Variants in TENM2 observed in about 807,000 individuals in gnomAD.
TENM2 encodes teneurin transmembrane protein 2.
TENM2 carries 52 observed loss-of-function variants against 245.2 expected under a neutral mutation model. The observed-to-expected ratio is 0.21, with a 90% CI of 0.17 to 0.27. TENM2 has a LOEUF of 0.27. Among genes scored for constraint, TENM2 ranks in the 10% least tolerant of loss-of-function variants. TENM2 has a pLI of 1.00. For missense variants in TENM2, 3,046 were observed against 3,666.8 expected, an observed-to-expected ratio of 0.83 and a Z score of 4.37; for synonymous variants, 1,363 against 1,438.9, an observed-to-expected ratio of 0.95 and a Z score of 1.19.
At chr5:167,475,646 G>T (rs1159375648) in intron 2 of TENM2, among the ~76,000 whole-genome samples, 1 of 151,272 alleles carries the variant, frequency 6.6e-6, no homozygotes, top group Non-Finnish European at 1.5e-5. Context: ...CCTTCCCCTT[G>T]CCCCACCCTG....
chr5:167,496,267 G>T (rs1768808495), intron 2 of TENM2, among the ~76,000 whole-genome samples: 1 of 152,100 alleles, frequency 6.6e-6, no homozygotes, highest in African/African-American at 2.4e-5. Context: ...GCAGCAGGAA[G>T]AAATGCCTGG....
intron 2 of TENM2, among the ~76,000 whole-genome samples, chr5:167,691,146 A>G (rs1367879355): frequency 1.3e-5 from 2 of 152,112 alleles, no homozygotes; most frequent in African/African-American, 4.8e-5. Flanking sequence ...TGGGCAACCA[A>G]TGTCTTATAC....
intron 2 of TENM2, among the ~76,000 whole-genome samples, chr5:167,664,939 G>T (rs948752328): frequency 1.3e-5 from 2 of 152,160 alleles, no homozygotes; most frequent in Non-Finnish European, 2.9e-5. Flanking sequence ...ACAAGGAATT[G>T]ATCTTATACT....
the TENM2 span, among the ~76,000 whole-genome samples, chr5:167,171,790 A>G: frequency 6.6e-6 from 1 of 152,308 alleles, no homozygotes; most frequent in Non-Finnish European, 1.5e-5. Context: ...AACTCTTTCT[A>G]TTATCTTCCA....
chr5:167,802,606 T>C (rs2150956722), intron 2 of TENM2, among the ~76,000 whole-genome samples: 1 of 152,304 alleles, frequency 6.6e-6, no homozygotes, highest in East Asian at 1.9e-4. Context: ...CCTTTAGGCA[T>C]GTCAGAATAT....
At chr5:167,053,784 A>G in the TENM2 span, among the ~76,000 whole-genome samples, 1 of 152,136 alleles carries the variant, frequency 6.6e-6, no homozygotes, top group Admixed American at 6.6e-5. Flanking sequence ...TTTAACTTGC[A>G]CTGTTAGCCA....
chr5:167,753,097 G>T (rs1235061304), intron 2 of TENM2, among the ~76,000 whole-genome samples: 1 of 152,140 alleles, frequency 6.6e-6, no homozygotes, highest in Non-Finnish European at 1.5e-5. Context: ...CTAGGAGTTT[G>T]CATTCTTAGA....
intron 2 of TENM2, among the ~76,000 whole-genome samples, chr5:167,841,903 T>C (rs916622858): frequency 1.1e-4 from 16 of 152,120 alleles, no homozygotes; most frequent in Admixed American, 9.2e-4. Flanking sequence ...TTAATATGTT[T>C]TATATATGTA....
chr5:167,767,952 CAT>C (rs773016194), intron 2 of TENM2, among the ~76,000 whole-genome samples: 44 of 152,276 alleles, frequency 2.9e-4, no homozygotes, highest in Non-Finnish European at 5.6e-4. Flanking sequence ...TTGCTGTTGA[CAT>C]GTGAATATTT....
chr5:167,857,344 A>G (rs1175159035), intron 2 of TENM2, among the ~76,000 whole-genome samples: 1 of 152,200 alleles, frequency 6.6e-6, no homozygotes, highest in Non-Finnish European at 1.5e-5. Context: ...AATTGCTACA[A>G]CGTCCTTTAC....
At chr5:167,807,334 G>T (rs1318719923) in intron 2 of TENM2, among the ~76,000 whole-genome samples, 1 of 151,862 alleles carries the variant, frequency 6.6e-6, no homozygotes, top group African/African-American at 2.4e-5. Flanking sequence ...TAAAGCAATT[G>T]CTCTGACACA....
chr5:167,193,334 G>T, the TENM2 span, among the ~76,000 whole-genome samples: 1 of 151,992 alleles, frequency 6.6e-6, no homozygotes, highest in East Asian at 1.9e-4. Context: ...TGACTGTTAA[G>T]TGGAAGTGTG....
chr5:167,254,744 G>A, the TENM2 span, among the ~76,000 whole-genome samples: 38 of 152,230 alleles, frequency 2.5e-4, no homozygotes, highest in African/African-American at 8.7e-4. Flanking sequence ...TAGATAAGGA[G>A]ATCAGGGAAG....
At chr5:167,850,266 C>T (rs1321625918) in intron 2 of TENM2, among the ~76,000 whole-genome samples, 1 of 152,156 alleles carries the variant, frequency 6.6e-6, no homozygotes, top group Non-Finnish European at 1.5e-5. Context: ...TCACAGGGTC[C>T]AGGAATTAGA....
chr5:167,685,663 C>G (rs757403043), intron 2 of TENM2, among the ~76,000 whole-genome samples: 3 of 152,066 alleles, frequency 2.0e-5, no homozygotes, highest in Non-Finnish European at 4.4e-5. Context: ...AGAGTTTACC[C>G]TGAACATCAT....
intron 2 of TENM2, among the ~76,000 whole-genome samples, chr5:167,474,582 T>C (rs1381945471): frequency 3.3e-5 from 5 of 151,718 alleles, no homozygotes; most frequent in Admixed American, 3.3e-4. Context: ...GGCGTGATCA[T>C]GGCTCACTGC....
At chr5:167,769,214 T>G (rs1254407029) in intron 2 of TENM2, among the ~76,000 whole-genome samples, 1 of 152,194 alleles carries the variant, frequency 6.6e-6, no homozygotes, top group Non-Finnish European at 1.5e-5. Context: ...TGCACACAGA[T>G]TGTCAATAAC....
At position 168,012,647 on chromosome 5, in the gene TENM2, CAA is replaced by C. The variant is rs796799012; in HGVS notation, c.1186+19477_1186+19478del. The stretch of plus-strand genomic sequence containing the variant: ...TGGGTGACAGAACAAGACTCTGTCT[CAA>C]AAAAAAAAAAACAAAAAAAAAAACT... On this transcript the variant is annotated intron_variant, in intron 5 of 28. Transcript: ENST00000518659. 7.8e-5 allele frequency among the ~76,000 whole-genome samples: 6 copies of C among 77,052 alleles called. No individual in the cohort carries two copies. The Middle Eastern group carries it at 0.024, about 306-fold the overall frequency. 50.5% of individuals were successfully genotyped at this position (77,052 alleles called of 152,430 possible). A position where few individuals can be genotyped will look rare whatever the true frequency, so the allele number is the denominator to read the frequency against.
intron 1 of TENM2, among the ~76,000 whole-genome samples, chr5:167,358,467 T>C (rs1561891182): frequency 5.5e-5 from 1 of 18,030 alleles, no homozygotes; most frequent in Non-Finnish European, 1.2e-4. Context: ...CACTCCTTTC[T>C]TCTTTTTTTT....
Sources: gnomAD v4.1 joint callset for allele counts (sites outside exome capture counted in the v4.1 genomes callset) on GRCh38, gnomAD v4.1.1 for gene constraint, MANE v1.5 for transcripts, NCBI Gene and HGNC (gene_info 2026-07-23, HGNC 2026-07-21) for gene names.